Variants in UTRN observed in about 807,000 individuals in gnomAD.
UTRN encodes the protein utrophin, also known as dystrophin-related protein 1.
In UTRN, 283 loss-of-function variants were observed where a neutral mutation model predicts 463.9. The observed-to-expected ratio is 0.61, with a 90% CI of 0.55 to 0.67. The LOEUF is 0.67. Among genes scored for constraint, UTRN ranks in the 30% least tolerant of loss-of-function variants. UTRN has a pLI of 0.00. For synonymous variants in UTRN, 1,442 were observed against 1,431.5 expected (o/e 1.01, Z -0.17); for missense variants, 3,922 against 4,084.3 (o/e 0.96, Z 1.08).
chr6:144,372,503 A>AT (rs370323517), intron 2 of UTRN, among the ~76,000 whole-genome samples: 278 of 151,032 alleles, frequency 1.8e-3, no homozygotes, highest in African/African-American at 6.2e-3. Flanking sequence ...TTTTTATTTT[A>AT]TTTTTTTTTG....
At chr6:144,469,615 T>C (rs1051533370) in intron 23 of UTRN, among the ~76,000 whole-genome samples, 2 of 152,180 alleles carry the variant, frequency 1.3e-5, no homozygotes, top group Admixed American at 6.5e-5. Context: ...GAAAATATTA[T>C]AGTGTGGCTT....
At chr6:144,405,127 T>G (rs564488688) in intron 3 of UTRN, among the ~76,000 whole-genome samples, 2 of 152,324 alleles carry the variant, frequency 1.3e-5, no homozygotes, top group East Asian at 1.9e-4. Flanking sequence ...GCTCAGCTTC[T>G]GTGTTAGTGT....
At chr6:144,652,107 GT>G (rs1778879014) in intron 51 of UTRN, among the ~76,000 whole-genome samples, 1 of 152,076 alleles carries the variant, frequency 6.6e-6, no homozygotes, top group Non-Finnish European at 1.5e-5. Context: ...AAATTCCTTT[GT>G]TTAGCAATTT....
Position 144,748,261 on chromosome 6 carries a change from A to T in UTRN, c.7955A>T (p.Glu2652Val), listed in dbSNP as rs1476034422. Reference protein sequence around the residue: ...LQSKTELTPEERAQKIAKAMR... With the variant: ...LQSKTELTPEVRAQKIAKAMR... ...TTAATCACAGAATTAACTCCTGAGG[A>T]GAGAGCCCAAAAGATTGCCAAAGCC... The change falls in exon 55 of 75, where the codon GAG (glutamate) becomes GTG (valine). Residue 2652 changes from glutamate (E) to valine (V), a missense_variant. By Grantham distance (121) the Glu-to-Val change is moderately radical (BLOSUM62 -2). Around this residue, in one of 3 missense-constraint regions of UTRN, gnomAD observed 1,309 missense variants for 1,452.6 expected, o/e 0.90. Transcript: ENST00000367545. The T allele has an allele frequency of 9.3e-6, 15 of 1,611,250 alleles. No homozygotes were observed. The highest frequency in any genetic ancestry group is 1.3e-5 in the Non-Finnish European group (15 of 1,179,700).
chr6:144,814,495 A>T (rs370105185), intron 65 of UTRN, among the ~76,000 whole-genome samples: 2 of 152,240 alleles, frequency 1.3e-5, no homozygotes, highest in South Asian at 4.1e-4. Context: ...GTGAAGTTAG[A>T]AAAGCTCTCC....
chr6:144,504,907 T>G (rs1274569550), intron 34 of UTRN, among the ~76,000 whole-genome samples: 1 of 152,202 alleles, frequency 6.6e-6, no homozygotes, highest in Non-Finnish European at 1.5e-5. Flanking sequence ...TGTTGGTTGG[T>G]AGGCTATTAA....
At chr6:144,327,961 C>T (rs1776080092) in intron 2 of UTRN, among the ~76,000 whole-genome samples, 3 of 151,894 alleles carry the variant, frequency 2.0e-5, no homozygotes, top group Non-Finnish European at 2.9e-5. Flanking sequence ...CAAAACAAAA[C>T]AAAACAAAGC....
At chr6:144,433,486 G>GAT (rs1273439507) in intron 9 of UTRN, among the ~76,000 whole-genome samples, 1 of 151,066 alleles carries the variant, frequency 6.6e-6, no homozygotes, top group African/African-American at 2.4e-5. Flanking sequence ...GCCAGGCAGA[G>GAT]GGTCTCCTCA....
intron 2 of UTRN, among the ~76,000 whole-genome samples, chr6:144,375,693 A>G (rs752461921): frequency 1.3e-5 from 2 of 152,032 alleles, no homozygotes; most frequent in Non-Finnish European, 2.9e-5. Context: ...TGTGACTCTG[A>G]TTCATTTTTA....
At chr6:144,687,017 T>C (rs6937108) in intron 52 of UTRN, among the ~76,000 whole-genome samples, 5,099 of 152,228 alleles carry the variant, frequency 0.033, 301 homozygotes, top group African/African-American at 0.12. Context: ...TTCTGGGGCA[T>C]AATGACCTTT....
intron 34 of UTRN, among the ~76,000 whole-genome samples, chr6:144,505,870 A>G (rs894377707): frequency 6.6e-6 from 1 of 152,072 alleles, no homozygotes; most frequent in Admixed American, 6.6e-5. Context: ...GTATCCCCCT[A>G]TTATTGTGTG....
At chr6:144,301,997 G>A (rs1452730742) in intron 2 of UTRN, among the ~76,000 whole-genome samples, 6 of 151,976 alleles carry the variant, frequency 3.9e-5, no homozygotes, top group East Asian at 1.9e-4. Flanking sequence ...TTCTCCCTGC[G>A]TCCCCAGTTT....
intron 22 of UTRN, among the ~76,000 whole-genome samples, chr6:144,461,773 G>A (rs572953176): frequency 7.2e-5 from 11 of 152,280 alleles, no homozygotes; most frequent in African/African-American, 2.6e-4. Context: ...GGCCCACACT[G>A]GGTTTGCTGT....
chr6:144,767,836 T>C (rs73779125), intron 58 of UTRN, among the ~76,000 whole-genome samples: 4,432 of 152,284 alleles, frequency 0.029, 212 homozygotes, highest in African/African-American at 0.1. Context: ...TTTAGTTTTG[T>C]TCTGTTATAT....
At chr6:144,542,700 C>A in intron 45 of UTRN, 95 bp from the exon 46 acceptor site, 1 of 1,265,614 alleles carries the variant, frequency 7.9e-7, no homozygotes, top group Non-Finnish European at 1.1e-6. Flanking sequence ...AGAAAAGTAG[C>A]AGAGCTGCCA....
intron 51 of UTRN, among the ~76,000 whole-genome samples, chr6:144,581,882 A>T (rs1234221109): frequency 6.6e-6 from 1 of 152,140 alleles, no homozygotes; most frequent in Non-Finnish European, 1.5e-5. Context: ...CTGAACAATC[A>T]CTAATCTATT....
intron 65 of UTRN, among the ~76,000 whole-genome samples, chr6:144,817,609 G>A (rs1160943015): frequency 6.6e-6 from 1 of 151,748 alleles, no homozygotes; most frequent in African/African-American, 2.4e-5. Flanking sequence ...AAATCAAATT[G>A]GACCAAGTAT....
At chr6:144,748,729 C>A (rs1029722604) in intron 55 of UTRN, among the ~76,000 whole-genome samples, 3 of 152,166 alleles carry the variant, frequency 2.0e-5, no homozygotes, top group African/African-American at 7.2e-5. Flanking sequence ...ACTAATGCAA[C>A]TTTTATGATA....
intron 51 of UTRN, among the ~76,000 whole-genome samples, chr6:144,598,253 T>C (rs965130636): frequency 2.0e-5 from 3 of 152,150 alleles, no homozygotes; most frequent in South Asian, 2.1e-4. Context: ...ACGTGTAAGA[T>C]GTACATTGGT....
Sources: gnomAD v4.1 joint callset for allele counts (sites outside exome capture counted in the v4.1 genomes callset) on GRCh38, gnomAD v4.1.1 for gene constraint, gnomAD v4.1.1 regional missense constraint, MANE v1.5 for transcripts, NCBI Gene and HGNC (gene_info 2026-07-23, HGNC 2026-07-21) for gene names.